B3GLCT: variants seen among roughly 807,000 people sequenced by gnomAD.
B3GLCT encodes beta-1,3-glucosyltransferase.
B3GLCT carries 65 observed loss-of-function variants against 63.4 expected under a neutral mutation model. The observed-to-expected ratio is 1.03, with a 90% confidence interval of 0.84 to 1.26. The LOEUF (loss-of-function observed/expected upper bound fraction) is 1.26. Among genes scored for constraint, B3GLCT ranks in the 50% most tolerant of loss-of-function variants. The pLI, the probability that B3GLCT is intolerant of heterozygous loss-of-function variation, is 0.00. For missense variants in B3GLCT, 577 were observed against 604.8 expected, an observed-to-expected ratio of 0.95 and a Z score of 0.48; for synonymous variants, 233 against 219.2, an observed-to-expected ratio of 1.06 and a Z score of -0.55.
At position 31,329,394 on chromosome 13, in the gene B3GLCT, A is replaced by G. The variant is rs539435673; in HGVS notation, c.1330-107A>G. ...TTTTGCTTTTAGATTCCTATAGCCA[A>G]TGTTAGGTAGTGAAGTAAAGCAGTC... is the stretch of plus-strand genomic sequence containing the variant. On this transcript the variant is annotated intron_variant, in intron 14 of 14. Coordinates refer to ENST00000343307, the MANE Select transcript of B3GLCT (RefSeq NM_194318.4). The G allele has an allele frequency of 1.0e-5, 13 of 1,256,946 alleles. No individual in the cohort carries two copies. In the Admixed American group the frequency reaches 1.7e-4, roughly 16 times the overall value. The allele number at this position is 1,256,946 out of a possible 1,614,324, so 77.9% of individuals were successfully genotyped here. A position where few individuals can be genotyped will look rare whatever the true frequency, so the allele number is the denominator to read the frequency against.
intron 3 of B3GLCT, among the ~76,000 whole-genome samples, chr13:31,226,039 G>A (rs1315805819): frequency 6.6e-6 from 1 of 152,198 alleles, no homozygotes; most frequent in African/African-American, 2.4e-5. Context: ...ACCACAGGCT[G>A]TGGGCTCTGT....
intron 10 of B3GLCT, among the ~76,000 whole-genome samples, chr13:31,280,257 A>G (rs1415649586): frequency 6.6e-6 from 1 of 152,240 alleles, no homozygotes; most frequent in East Asian, 1.9e-4. Flanking sequence ...TGCAGTAAAG[A>G]CAGGCATAAG....
chr13:31,267,400 G>C (rs1356977235), intron 7 of B3GLCT, among the ~76,000 whole-genome samples: 1 of 152,226 alleles, frequency 6.6e-6, no homozygotes, highest in Non-Finnish European at 1.5e-5. Context: ...CATGTGGCAT[G>C]AGTCCAAATC....
At chr13:31,284,391 C>A (rs1873214595) in intron 10 of B3GLCT, among the ~76,000 whole-genome samples, 1 of 152,120 alleles carries the variant, frequency 6.6e-6, no homozygotes, top group South Asian at 2.1e-4. Flanking sequence ...GAAAATTTAT[C>A]ATTATATGGA....
Position 31,262,751 on chromosome 13 carries a change from C to T in B3GLCT, c.596+1669C>T, listed in dbSNP as rs183034115. ...TGTGACCTGCACTTTGTAGGCTGAG[C>T]CACTGTTCCTTTTCCCTTCCTCAAG... is the stretch of plus-strand genomic sequence containing the variant. On this transcript the variant is annotated intron_variant, in intron 7 of 14. Transcript: ENST00000343307. Among the ~76,000 whole-genome samples, 552 of 152,268 alleles carry T rather than the reference C, an allele frequency of 3.6e-3. 3 individuals carry two copies. Among genetic ancestry groups the T allele is most frequent in the Middle Eastern group, 6.8e-3 (2 of 294 alleles).
chr13:31,223,868 G>C (rs1869955330), intron 3 of B3GLCT, among the ~76,000 whole-genome samples: 1 of 152,180 alleles, frequency 6.6e-6, no homozygotes, highest in African/African-American at 2.4e-5. Context: ...GACACAGGGG[G>C]TTGGCTCACC....
chr13:31,291,678 C>G (rs1395337742), intron 12 of B3GLCT, among the ~76,000 whole-genome samples: 2 of 152,172 alleles, frequency 1.3e-5, no homozygotes, highest in Non-Finnish European at 2.9e-5. Context: ...TATCCTGAGA[C>G]TTTGCTGAAG....
intron 5 of B3GLCT, 92 bp downstream of exon 5, chr13:31,247,191 C>A: frequency 9.8e-7 from 1 of 1,023,322 alleles, no homozygotes; most frequent in African/African-American, 1.6e-5. Flanking sequence ...TGTGGTTTTC[C>A]TCAGTCAGTA....
intron 6 of B3GLCT, among the ~76,000 whole-genome samples, chr13:31,251,789 A>G (rs1871439158): frequency 6.6e-6 from 1 of 152,180 alleles, no homozygotes; most frequent in Admixed American, 6.5e-5. Flanking sequence ...GTTGGAAAAC[A>G]CTCTTCAGGA....
At chr13:31,215,453 G>T (rs573590446) in intron 2 of B3GLCT, among the ~76,000 whole-genome samples, 1 of 151,908 alleles carries the variant, frequency 6.6e-6, no homozygotes, top group East Asian at 1.9e-4. Context: ...TCACTCTGTC[G>T]CCCAGGCTGG....
chr13:31,329,366 C>T, intron 14 of B3GLCT, 135 bp from the exon 15 acceptor site: 1 of 974,254 alleles, frequency 1.0e-6, no homozygotes, highest in Non-Finnish European at 1.6e-6. Context: ...AAAATAGTTT[C>T]CTTTTTGCTT....
chr13:31,200,021 G>GCTCCGCTCCCCGCGCGT lies in B3GLCT; in HGVS notation c.-59_-43dup. 3 of 1,101,752 alleles carry GCTCCGCTCCCCGCGCGT rather than the reference G, an allele frequency of 2.7e-6. No homozygotes were observed. The highest frequency in any genetic ancestry group is 3.5e-6 in the Non-Finnish European group (3 of 861,362). The allele number at this position is 1,101,752 out of a possible 1,614,324, so 68.2% of individuals were successfully genotyped here. A position where few individuals can be genotyped will look rare whatever the true frequency, so the allele number is the denominator to read the frequency against. The stretch of plus-strand genomic sequence containing the variant: ...GCAGGGCGGCGGCGGCAGCGGCGCA[G>GCTCCGCTCCCCGCGCGT]CTCCGCTCCCCGCGCGTCTCCCTTC... On this transcript the variant is annotated 5_prime_UTR_variant, in exon 1 of 15. Transcript: ENST00000343307.
intron 12 of B3GLCT, among the ~76,000 whole-genome samples, chr13:31,297,595 C>T (rs1874021428): frequency 6.6e-6 from 1 of 152,032 alleles, no homozygotes; most frequent in Non-Finnish European, 1.5e-5. Context: ...GCAGTGGACA[C>T]CAAATGGGTG....
At chr13:31,292,692 C>A (rs1178521658) in intron 12 of B3GLCT, among the ~76,000 whole-genome samples, 1 of 115,082 alleles carries the variant, frequency 8.7e-6, no homozygotes, top group Non-Finnish European at 1.9e-5. Context: ...CTATTTTATT[C>A]TTCTCTCTTT....
chr13:31,258,446 G>C (rs189860697), intron 6 of B3GLCT, among the ~76,000 whole-genome samples: 2 of 151,978 alleles, frequency 1.3e-5, no homozygotes, highest in Non-Finnish European at 2.9e-5. Context: ...ATACTACTAC[G>C]CTGTTTCAGG....
rs935970860 is a variant in B3GLCT, at chr13:31,255,093, G to A, written c.460-5853G>A. On this transcript the variant is annotated intron_variant, in intron 6 of 14. Coordinates refer to ENST00000343307, the MANE Select transcript of B3GLCT (RefSeq NM_194318.4). ...TCTCAAAAGCTCCTTAAGCTGATAA[G>A]CAACTTCAGCAAAGTCTCGGGATAC... is the stretch of plus-strand genomic sequence containing the variant. Among the ~76,000 whole-genome samples the A allele has an allele frequency of 2.7e-5, 4 of 149,738 alleles. No individual in the cohort carries two copies. In the South Asian group the frequency reaches 6.3e-4, roughly 24 times the overall value.
intron 12 of B3GLCT, among the ~76,000 whole-genome samples, chr13:31,294,143 C>G (rs986668887): frequency 4.6e-5 from 7 of 152,196 alleles, no homozygotes; most frequent in African/African-American, 1.7e-4. Flanking sequence ...CACCCATTCT[C>G]TTCTTGTGGC....
At chr13:31,311,605 A>C (rs756992677) in intron 12 of B3GLCT, 1 of 152,310 alleles carries the variant, frequency 6.6e-6, no homozygotes, top group Non-Finnish European at 1.5e-5. Context: ...GATCTCCATC[A>C]TACAAGAGAT....
chr13:31,256,407 C>G (rs769369521), intron 6 of B3GLCT, among the ~76,000 whole-genome samples: 2 of 152,186 alleles, frequency 1.3e-5, no homozygotes, highest in Non-Finnish European at 2.9e-5. Context: ...TTTGACCCAG[C>G]AATCCCATTA....
Sources: allele counts gnomAD v4.1 joint callset (sites outside exome capture counted in the v4.1 genomes callset), GRCh38; gene constraint gnomAD v4.1.1; transcripts MANE v1.5; gene names NCBI Gene and HGNC (gene_info 2026-07-23, HGNC 2026-07-21).